ACP4: variants seen among roughly 807,000 people sequenced by gnomAD.
ACP4 encodes acid phosphatase 4, also known as testicular acid phosphatase.
ACP4 carries 49 observed loss-of-function variants against 47.3 expected under a neutral mutation model. That is an observed-to-expected ratio of 1.04 (90% confidence interval 0.82 to 1.32). The LOEUF (loss-of-function observed/expected upper bound fraction) is 1.32, where lower values mean the gene tolerates loss of function less well. Among genes scored for constraint, ACP4 ranks in the 40% most tolerant of loss-of-function variants. The pLI, the probability that ACP4 is intolerant of heterozygous loss-of-function variation, is 0.00. For missense variants in ACP4, 594 were observed against 579.3 expected, an observed-to-expected ratio of 1.03 and a Z score of -0.26; for synonymous variants, 299 against 265.3, an observed-to-expected ratio of 1.13 and a Z score of -1.23.
chr19:50,792,401 T>C (rs929130221), intron 6 of ACP4, 64 bp downstream of exon 6: 1 of 1,522,798 alleles, frequency 6.6e-7, no homozygotes, highest in East Asian at 2.3e-5. Context: ...AGCTTGCTAC[T>C]CACTAGCTGT....
Position 50,795,027 on chromosome 19 carries a change from CGT to C in ACP4, c.1166-13_1166-12del, listed in dbSNP as rs370968293. 2,677 of 1,612,662 alleles carry C rather than the reference CGT, an allele frequency of 1.7e-3. 43 individuals carry two copies. In the African/African-American group the frequency reaches 0.03, roughly 18 times the overall value. On this transcript the variant is annotated splice_polypyrimidine_tract_variant and intron_variant, in intron 10 of 10. Coordinates refer to ENST00000270593, the MANE Select transcript of ACP4 (RefSeq NM_033068.3). Reference sequence around the variant, plus strand: ...GCCAAGTCCTGGCACTCACCCCCCGCGTGTTCTCCCTGCAGCTCCAGTGGTGC... The same window carrying C: ...GCCAAGTCCTGGCACTCACCCCCCGCGTTCTCCCTGCAGCTCCAGTGGTGC...
rs1342365277 is a variant in ACP4 at position 50,794,398 on chromosome 19, T to C, written c.862-59T>C. On this transcript the variant is annotated intron_variant, in intron 8 of 10. Transcript: ENST00000270593. ...GGGACATCTGGATGCGCAAGTGTAG[T>C]GCTCAGGAGAAAGGCCTCCAGAGAG... The C allele has an allele frequency of 1.1e-5, 17 of 1,600,836 alleles. No individual in the cohort carries two copies. The Admixed American group carries it at 1.9e-4, about 18-fold the overall frequency.
chr19:50,790,513 G>A lies in ACP4; in HGVS notation c.99G>A (p.Val33=), dbSNP rs751248491. Residue 33 remains valine, a synonymous_variant, in exon 1 of 11, where the codon GTG becomes GTA. Transcript: ENST00000270593. ...PPRALPEGPL[V]FVALVFRHGD... ...GGGCCCTGCCAGAAGGACCCCTGGT[G>A]TTCGTGGCTCTGGTGAGGCGCCCCC... The A allele has an allele frequency of 3.2e-6, 5 of 1,549,322 alleles. No individual in the cohort carries two copies. Among genetic ancestry groups the A allele is most frequent in the Middle Eastern group, 1.8e-4 (1 of 5,690 alleles).
At position 50,793,814 on chromosome 19, in the gene ACP4, G is replaced by T; in HGVS notation, c.776G>T (p.Gly259Val). ...PRAAEKAQLT[G>V]GILLNAILAN... is the part of the protein sequence containing the mutation. ...GCAGCAGAGAAGGCCCAGCTGACAG[G>T]GGGTGAGGTGTGGGTCTGGGAGGCT... Residue 259 changes from glycine (G) to valine (V), a missense_variant and splice_region_variant, in exon 7 of 11, where the codon GGG (glycine) becomes GTG (valine). Coordinates refer to ENST00000270593, the MANE Select transcript of ACP4 (RefSeq NM_033068.3). The T allele has an allele frequency of 1.2e-6, 2 of 1,613,998 alleles. No homozygotes were observed. Among genetic ancestry groups the T allele is most frequent in the Non-Finnish European group, 1.7e-6 (2 of 1,180,036 alleles).
At chr19:50,792,561 AC>A in intron 6 of ACP4, 4 of 546,864 alleles carry the variant, frequency 7.3e-6, no homozygotes, top group Non-Finnish European at 1.3e-5. Flanking sequence ...TGCCTGGTGT[AC>A]AGTGAGGGCC....
intron 6 of ACP4, chr19:50,792,800 G>A (rs1013162498): frequency 6.6e-6 from 1 of 151,230 alleles, no homozygotes; most frequent in African/African-American, 2.5e-5. Context: ...TCCTGCCTCA[G>A]CCTCCCAAGT....
chr19:50,790,864 G>A lies in ACP4; in HGVS notation c.303+4G>A. 6.5e-7 allele frequency: 1 copy of A among 1,544,500 alleles called. No homozygotes were observed. The highest frequency in any genetic ancestry group is 8.7e-7 in the Non-Finnish European group (1 of 1,144,622). ...TCCGGAGTACCGGCGGGAGGAGGTAGGGCCATAGTGACCCCCACCTGGCCC... is the reference window on the plus strand; with the variant it reads ...TCCGGAGTACCGGCGGGAGGAGGTAAGGCCATAGTGACCCCCACCTGGCCC... On this transcript the variant is annotated splice_donor_region_variant and intron_variant, in intron 3 of 10. Coordinates refer to ENST00000270593, the MANE Select transcript of ACP4 (RefSeq NM_033068.3).
rs199581670 is a variant in ACP4 at position 50,794,863 on chromosome 19, C to T, written c.1064C>T (p.Ala355Val). 93 of 1,613,494 alleles carry T rather than the reference C, an allele frequency of 5.8e-5. No individual in the cohort carries two copies. Among genetic ancestry groups the T allele is most frequent in the Non-Finnish European group, 5.3e-5 (63 of 1,179,856 alleles). ...PLPLSLPGCP[A>V]PCPLGRFYQL... ...CCTCTCAGCCTCCCCGGGTGCCCGG[C>T]CCCCTGTCCACTAGGCCGCTTCTAC... is the stretch of plus-strand genomic sequence containing the variant. Residue 355 changes from alanine (A) to valine (V), a missense_variant, in exon 10 of 11, where the codon GCC (alanine) becomes GTC (valine). Ala to Val is a moderately conservative substitution (Grantham distance 64, BLOSUM62 0). Transcript: ENST00000270593.
In ACP4 at chr19:50,791,721, G is replaced by A. The variant is rs987474185; in HGVS notation, c.369G>A (p.Leu123=). ...GTGCCCAGGCCAACCTTGCCGGGCT[G>A]TTTCCCGAGGCTGCTCCAGGGAGCC... ...LESAQANLAG[L]FPEAAPGSPE... Residue 123 remains leucine (L), a synonymous_variant, in exon 4 of 11, where the codon CTG becomes CTA. Transcript: ENST00000270593. 2 of 1,613,162 alleles carry A rather than the reference G, an allele frequency of 1.2e-6. No homozygotes were observed. Among genetic ancestry groups the A allele is most frequent in the African/African-American group, 2.7e-5 (2 of 74,948 alleles).
intron 6 of ACP4, chr19:50,793,006 G>A (rs536100705): frequency 4.6e-4 from 70 of 153,514 alleles, no homozygotes; most frequent in African/African-American, 1.4e-3. Context: ...TCCAGCTCAC[G>A]GGAATGTTCT....
At position 50,790,796 on chromosome 19, in the gene ACP4, A is replaced by T; in HGVS notation, c.239A>T (p.Glu80Val). 1 of 1,548,328 alleles carries T rather than the reference A, an allele frequency of 6.5e-7. No homozygotes were observed. Among genetic ancestry groups the T allele is most frequent in the South Asian group, 1.2e-5 (1 of 83,924 alleles). The stretch of plus-strand genomic sequence containing the variant: ...CAGGAGGGGGTCCGCCAGCAGCTGG[A>T]GCTGGGCCGCTTCCTGAGGAGCCGC... ...LTTEGVRQQL[E>V]LGRFLRSRYE... The change falls in exon 3 of 11, where the codon GAG (glutamate) becomes GTG (valine). Residue 80 changes from glutamate (E) to valine (V), a missense_variant. Coordinates refer to ENST00000270593, the MANE Select transcript of ACP4 (RefSeq NM_033068.3).
Position 50,791,527 on chromosome 19 carries a change from C to T in ACP4, c.304-129C>T, listed in dbSNP as rs111421100. The T allele has an allele frequency of 6.4e-5, 87 of 1,349,514 alleles. No individual in the cohort carries two copies. The African/African-American group carries it at 7.1e-4, about 11-fold the overall frequency. The allele number at this position is 1,349,514 out of a possible 1,614,324, so 83.6% of individuals were successfully genotyped here. On this transcript the variant is annotated intron_variant, in intron 3 of 10. Coordinates refer to ENST00000270593, the MANE Select transcript of ACP4 (RefSeq NM_033068.3). ...GACCCTTGATCCCAACTTCCAACTT[C>T]GAAGGCCACATGATTCTCAGTGTCT...
In ACP4 at chr19:50,795,191, A is replaced by G. The variant is rs377693965; in HGVS notation, c.*33A>G. On this transcript the variant is annotated 3_prime_UTR_variant, in exon 11 of 11. Coordinates refer to ENST00000270593, the MANE Select transcript of ACP4 (RefSeq NM_033068.3). ...ACCAGGGCTTCCCTACCCCCAGCTG[A>G]CACTGGACCCCAACATGTATGCTCA... 3.1e-4 allele frequency: 461 copies of G among 1,501,280 alleles called. No homozygotes were observed. Among genetic ancestry groups the G allele is most frequent in the Non-Finnish European group, 4.0e-4 (444 of 1,123,054 alleles). 93.0% of individuals were successfully genotyped at this position (1,501,280 alleles called of 1,614,324 possible).
At chr19:50,791,531 G>A (rs1369655697) in intron 3 of ACP4, 125 bp from the exon 4 acceptor site, 2 of 1,367,674 alleles carry the variant, frequency 1.5e-6, no homozygotes, top group African/African-American at 1.4e-5. Context: ...CAACTTCGAA[G>A]GCCACATGAT....
chr19:50,793,546 T>C, intron 6 of ACP4, 138 bp from the exon 7 acceptor site: 1 of 1,268,998 alleles, frequency 7.9e-7, no homozygotes, highest in Non-Finnish European at 1.1e-6. Context: ...AAAACACTGT[T>C]ATCCACATCA....
chr19:50,790,979 C>A, intron 3 of ACP4, 119 bp downstream of exon 3: 1 of 976,960 alleles, frequency 1.0e-6, no homozygotes, highest in Non-Finnish European at 1.5e-6. Context: ...CTGACTTGCC[C>A]TCTACCTCTA....
At chr19:50,795,007 G>A (rs752869487) in intron 10 of ACP4, 36 bp from the exon 11 acceptor site, 4 of 1,613,190 alleles carry the variant, frequency 2.5e-6, no homozygotes, top group Admixed American at 3.3e-5. Flanking sequence ...GGGTTGCCAA[G>A]TCCTGGCACT....
Position 50,795,145 on chromosome 19 carries a change from G to C in ACP4, c.1268G>C (p.Gly423Ala). ...AGACCAGGGTGCCTGCGGGCCTTGGGGGGCCCCGTGTGAGCCAGAAACCAG... is the reference window on the plus strand; with the variant it reads ...AGACCAGGGTGCCTGCGGGCCTTGGCGGGCCCCGTGTGAGCCAGAAACCAG... ...AWRPGCLRAL[G>A]GPV The change falls in exon 11 of 11, where the codon GGG (glycine) becomes GCG (alanine). Residue 423 changes from glycine (G) to alanine (A), a missense_variant. Physicochemically the swap from Gly to Ala is moderately conservative, Grantham distance 60. Coordinates refer to ENST00000270593, the MANE Select transcript of ACP4 (RefSeq NM_033068.3). 1 of 1,546,838 alleles carries C rather than the reference G, an allele frequency of 6.5e-7. No homozygotes were observed. The highest frequency in any genetic ancestry group is 2.4e-5 in the East Asian group (1 of 41,172).
At chr19:50,793,401 G>C (rs77621954) in intron 6 of ACP4, 28,165 of 422,574 alleles carry the variant, frequency 0.067, 1,143 homozygotes, top group East Asian at 0.12. Context: ...TGTAATCACA[G>C]CTACTTGGGA....
Sources: gnomAD v4.1 joint callset for allele counts on GRCh38, gnomAD v4.1.1 for gene constraint, MANE v1.5 for transcripts, NCBI Gene and HGNC (gene_info 2026-07-23, HGNC 2026-07-21) for gene names.